The following CNTN5 variants were observed in gnomAD, a reference collection of about 807,000 sequenced individuals.
CNTN5 encodes contactin 5.
Under a neutral mutation model 129.1 loss-of-function variants are expected in CNTN5, and 77 were observed. The ratio of observed to expected loss-of-function variants is 0.60; its 90% CI spans 0.50 to 0.72. The LOEUF is 0.72. CNTN5 is among the 30% of genes least tolerant of loss of function. The probability of loss-of-function intolerance (pLI) is 0.00; values close to 1 mark genes in which losing one functional copy is unlikely to be tolerated. For missense variants in CNTN5, 1,478 were observed against 1,328.8 expected, an observed-to-expected ratio of 1.11 and a Z score of -1.75; for synonymous variants, 509 against 465.6, an observed-to-expected ratio of 1.09 and a Z score of -1.20.
At position 99,267,989 on chromosome 11, in the gene CNTN5, C is replaced by T. The variant is rs994968570; in HGVS notation, c.-209-57357C>T. ...CAAAGGATCAAGTCTTGTTTGGGTG[C>T]AAGTTGAACCAAGAGCATGGTGTCC... On this transcript the variant is annotated intron_variant, in intron 1 of 24. Coordinates refer to ENST00000524871, the MANE Select transcript of CNTN5 (RefSeq NM_014361.4). 2.7e-5 allele frequency among the ~76,000 whole-genome samples: 4 copies of T among 150,672 alleles called. 1 individual carries two copies. The highest frequency in any genetic ancestry group is 6.7e-5 in the Admixed American group (1 of 15,028).
chr11:100,085,287 T>C (rs1944505499), intron 13 of CNTN5, among the ~76,000 whole-genome samples: 1 of 151,952 alleles, frequency 6.6e-6, no homozygotes, highest in Admixed American at 6.6e-5. Context: ...TAAGAAAAAT[T>C]CAGAGAAAAC....
chr11:99,689,552 AG>A (rs1374099720), intron 3 of CNTN5, among the ~76,000 whole-genome samples: 2 of 148,466 alleles, frequency 1.3e-5, no homozygotes, highest in Non-Finnish European at 3.0e-5. Context: ...AAAAAAAAAA[AG>A]GCATTCCTTT....
chr11:99,131,259 A>AAAAAAAG (rs1315927207), intron 1 of CNTN5, among the ~76,000 whole-genome samples: 16 of 148,632 alleles, frequency 1.1e-4, no homozygotes, highest in East Asian at 7.9e-4. Flanking sequence ...GAAAAAAAAA[A>AAAAAAAG]AAAAAGAAAA....
chr11:99,812,839 G>A lies in CNTN5; in HGVS notation c.56-6705G>A, dbSNP rs191530572. Among the ~76,000 whole-genome samples, 96 of 152,240 alleles carry A rather than the reference G, an allele frequency of 6.3e-4. 2 individuals carry two copies. The highest frequency in any genetic ancestry group is 2.8e-3 in the Admixed American group (43 of 15,284). On this transcript the variant is annotated intron_variant, in intron 3 of 24. Transcript: ENST00000524871. ...TCCCAGGAACTGAGCGATGATGGCG[G>A]TACTGTAAGAATACAAGATGTTGGC...
intron 13 of CNTN5, among the ~76,000 whole-genome samples, chr11:100,124,419 T>A (rs1946120831): frequency 6.6e-6 from 1 of 151,864 alleles, no homozygotes; most frequent in African/African-American, 2.4e-5. Context: ...TTATTATAGA[T>A]CCTGGCAGAG....
chr11:99,917,759 T>C (rs1375754495), intron 7 of CNTN5, among the ~76,000 whole-genome samples: 1 of 152,148 alleles, frequency 6.6e-6, no homozygotes, highest in Non-Finnish European at 1.5e-5. Flanking sequence ...AATTATCCAA[T>C]TGGCAGAGAA....
chr11:100,157,657 G>A (rs1230624714), intron 13 of CNTN5, among the ~76,000 whole-genome samples: 1 of 151,744 alleles, frequency 6.6e-6, no homozygotes, highest in Non-Finnish European at 1.5e-5. Flanking sequence ...AAAGAAAGAA[G>A]GTGGAAAACT....
At position 99,648,590 on chromosome 11, in the gene CNTN5, A is replaced by G. The variant is rs1461549168; in HGVS notation, c.55+92321A>G. ...GGATATTTATCCAAAAGAAGTAAGTATGTCAAAGAGATATTCTCACCCTAC... is the reference window on the plus strand; with the variant it reads ...GGATATTTATCCAAAAGAAGTAAGTGTGTCAAAGAGATATTCTCACCCTAC... On this transcript the variant is annotated intron_variant, in intron 3 of 24. Transcript: ENST00000524871. Among the ~76,000 whole-genome samples the G allele has an allele frequency of 2.6e-5, 4 of 151,958 alleles. No homozygotes were observed. The East Asian group carries it at 7.7e-4, about 29-fold the overall frequency.
intron 1 of CNTN5, among the ~76,000 whole-genome samples, chr11:99,256,264 T>A (rs147858144): frequency 6.6e-6 from 1 of 152,110 alleles, no homozygotes; most frequent in Non-Finnish European, 1.5e-5. Flanking sequence ...TTATAGTGTA[T>A]ACAAATGTCA....
At chr11:99,337,985 A>T (rs1333428769) in intron 2 of CNTN5, among the ~76,000 whole-genome samples, 1 of 152,200 alleles carries the variant, frequency 6.6e-6, no homozygotes, top group East Asian at 1.9e-4. Context: ...TCAGAGTATT[A>T]TATGCCATAT....
intron 2 of CNTN5, among the ~76,000 whole-genome samples, chr11:99,420,561 A>G (rs150859247): frequency 6.6e-6 from 1 of 152,190 alleles, no homozygotes; most frequent in Non-Finnish European, 1.5e-5. Flanking sequence ...AACTTGAACA[A>G]CATGTAGAGC....
intron 4 of CNTN5, among the ~76,000 whole-genome samples, chr11:99,838,605 G>C (rs948571272): frequency 6.6e-6 from 1 of 152,198 alleles, no homozygotes; most frequent in African/African-American, 2.4e-5. Flanking sequence ...CAGTCATGCT[G>C]TCAGTTATAG....
intron 7 of CNTN5, among the ~76,000 whole-genome samples, chr11:99,939,471 C>T (rs967841301): frequency 1.3e-5 from 2 of 152,018 alleles, no homozygotes; most frequent in Admixed American, 6.6e-5. Context: ...GTCTGTATCT[C>T]TACAAGGTAA....
chr11:100,088,319 C>T (rs12802370), intron 13 of CNTN5, among the ~76,000 whole-genome samples: 2 of 151,794 alleles, frequency 1.3e-5, no homozygotes, highest in Non-Finnish European at 2.9e-5. Flanking sequence ...AACATCATAC[C>T]TAGAGGAACT....
chr11:99,523,606 G>C (rs1187802678), intron 2 of CNTN5, among the ~76,000 whole-genome samples: 1 of 37,688 alleles, frequency 2.7e-5, no homozygotes, highest in Non-Finnish European at 5.2e-5. Flanking sequence ...AGATAGAATA[G>C]AATAGAATAG....
chr11:100,321,601 A>G (rs1265426312), intron 21 of CNTN5, among the ~76,000 whole-genome samples: 1 of 152,134 alleles, frequency 6.6e-6, no homozygotes, highest in Non-Finnish European at 1.5e-5. Context: ...GAGAAGTGGC[A>G]AGAGTATGCA....
intron 11 of CNTN5, 80 bp from the exon 12 acceptor site, chr11:100,071,625 T>G: frequency 9.1e-7 from 1 of 1,099,448 alleles, no homozygotes; most frequent in Non-Finnish European, 1.2e-6. Flanking sequence ...ACTTGTTTTT[T>G]CTTAGTCTAG....
rs570198167 is a variant in CNTN5, at chr11:99,487,463, T to C, written c.-70-68682T>C. Reference sequence around the variant, plus strand: ...CAAGATCTTATCAGTGCATAAATGTTGGATGAGAGTAGGGATGAGGCAAAT... The same window carrying C: ...CAAGATCTTATCAGTGCATAAATGTCGGATGAGAGTAGGGATGAGGCAAAT... On this transcript the variant is annotated intron_variant, in intron 2 of 24. Coordinates refer to ENST00000524871, the MANE Select transcript of CNTN5 (RefSeq NM_014361.4). Among the ~76,000 whole-genome samples, 37 of 152,328 alleles carry C rather than the reference T, an allele frequency of 2.4e-4. 1 individual carries two copies. The highest frequency in any genetic ancestry group is 2.6e-4 in the Admixed American group (4 of 15,300).
rs562198394 is a variant in CNTN5 at position 100,194,926 on chromosome 11, A to G, written c.1884+1263A>G. Among the ~76,000 whole-genome samples the G allele has an allele frequency of 1.3e-4, 20 of 152,098 alleles. No homozygotes were observed. The South Asian group carries it at 3.9e-3, about 30-fold the overall frequency. ...CCAATTAATAGGAGAGAGTATATAAATAAGAAACAATTGCCAACTACATTG... is the reference window on the plus strand; with the variant it reads ...CCAATTAATAGGAGAGAGTATATAAGTAAGAAACAATTGCCAACTACATTG... On this transcript the variant is annotated intron_variant, in intron 15 of 24. Coordinates refer to ENST00000524871, the MANE Select transcript of CNTN5 (RefSeq NM_014361.4).
Sources: allele counts gnomAD v4.1 joint callset (sites outside exome capture counted in the v4.1 genomes callset), GRCh38; gene constraint gnomAD v4.1.1; transcripts MANE v1.5; gene names NCBI Gene and HGNC (gene_info 2026-07-23, HGNC 2026-07-21).